The following SPATA16 variants were observed in gnomAD, a reference collection of about 807,000 sequenced individuals.
SPATA16 encodes spermatogenesis associated 16, also known as spermatogenesis-associated protein 16.
In SPATA16, 36 loss-of-function variants were observed where a neutral mutation model predicts 63.3. The ratio of observed to expected loss-of-function variants is 0.57; its 90% confidence interval spans 0.44 to 0.75. SPATA16 has a LOEUF of 0.75. Among genes scored for constraint, SPATA16 ranks in the 30% least tolerant of loss-of-function variants. The pLI is 0.00. For missense variants in SPATA16, 646 were observed against 679.3 expected, an observed-to-expected ratio of 0.95 and a Z score of 0.54; for synonymous variants, 203 against 216.7, an observed-to-expected ratio of 0.94 and a Z score of 0.56.
intron 8 of SPATA16, among the ~76,000 whole-genome samples, chr3:172,923,389 A>G (rs542799299): frequency 1.2e-4 from 18 of 152,368 alleles, no homozygotes; most frequent in Non-Finnish European, 2.4e-4. Flanking sequence ...TATTGAGCAG[A>G]TAAACTGCTG....
At chr3:173,055,968 T>C (rs1470684489) in intron 2 of SPATA16, among the ~76,000 whole-genome samples, 1 of 152,222 alleles carries the variant, frequency 6.6e-6, no homozygotes, top group Non-Finnish European at 1.5e-5. Flanking sequence ...TCCTTTATTT[T>C]ATTCAGGACA....
chr3:173,002,755 C>A (rs1484562098), intron 4 of SPATA16, among the ~76,000 whole-genome samples: 2 of 151,972 alleles, frequency 1.3e-5, no homozygotes, highest in East Asian at 3.9e-4. Flanking sequence ...GACAAAAGAT[C>A]AACATATTCA....
chr3:173,094,546 A>C (rs1324748795), intron 2 of SPATA16, among the ~76,000 whole-genome samples: 1 of 152,242 alleles, frequency 6.6e-6, no homozygotes, highest in Non-Finnish European at 1.5e-5. Context: ...AGGTCTAGTC[A>C]AAAGATATTT....
At chr3:173,061,531 C>G (rs1352469250) in intron 2 of SPATA16, among the ~76,000 whole-genome samples, 2 of 152,192 alleles carry the variant, frequency 1.3e-5, no homozygotes, top group African/African-American at 4.8e-5. Context: ...AGCCACCATC[C>G]TAACCTGCAG....
At chr3:173,050,863 A>G (rs988107934) in intron 2 of SPATA16, among the ~76,000 whole-genome samples, 6 of 152,246 alleles carry the variant, frequency 3.9e-5, no homozygotes, top group Non-Finnish European at 5.9e-5. Flanking sequence ...GTCACCTGAT[A>G]AAATTGGTAA....
intron 2 of SPATA16, among the ~76,000 whole-genome samples, chr3:173,101,189 C>T (rs1292814913): frequency 6.6e-6 from 1 of 152,110 alleles, no homozygotes; most frequent in Non-Finnish European, 1.5e-5. Context: ...CTCACCTGGC[C>T]TAGATCATTG....
chr3:173,064,122 A>G (rs1736455098), intron 2 of SPATA16, among the ~76,000 whole-genome samples: 1 of 152,142 alleles, frequency 6.6e-6, no homozygotes, highest in Admixed American at 6.5e-5. Context: ...CTTGGCCAAC[A>G]TGGTGAAACA....
At chr3:173,120,731 T>C (rs997491903) in intron 1 of SPATA16, among the ~76,000 whole-genome samples, 5 of 152,168 alleles carry the variant, frequency 3.3e-5, no homozygotes, top group Admixed American at 2.6e-4. Context: ...CTCCATCCCA[T>C]GCTCCTTTCC....
intron 5 of SPATA16, among the ~76,000 whole-genome samples, chr3:172,973,280 T>A (rs1271018720): frequency 2.0e-5 from 3 of 152,158 alleles, no homozygotes; most frequent in Non-Finnish European, 2.9e-5. Flanking sequence ...TGTGTGTGTT[T>A]ATGACTATTG....
chr3:173,093,806 A>G (rs1239081407), intron 2 of SPATA16, among the ~76,000 whole-genome samples: 2 of 152,184 alleles, frequency 1.3e-5, no homozygotes, highest in Non-Finnish European at 2.9e-5. Flanking sequence ...ATTCTTTTAC[A>G]GCTCAGTAGT....
chr3:172,913,809 A>G, intron 9 of SPATA16, 65 bp from the exon 10 acceptor site: 5 of 1,382,144 alleles, frequency 3.6e-6, no homozygotes, highest in Non-Finnish European at 5.1e-6. Context: ...CTAAATACAC[A>G]GATTAAAACC....
chr3:173,137,689 A>T (rs16846656), intron 1 of SPATA16, among the ~76,000 whole-genome samples: 1 of 151,958 alleles, frequency 6.6e-6, no homozygotes, highest in Non-Finnish European at 1.5e-5. Flanking sequence ...AGGGTGAGGA[A>T]GTTAACTGAG....
chr3:173,015,197 G>T (rs1735154146), intron 4 of SPATA16, among the ~76,000 whole-genome samples: 1 of 151,878 alleles, frequency 6.6e-6, no homozygotes, highest in Admixed American at 6.6e-5. Flanking sequence ...CCAAGTAGCT[G>T]GGATTACAGG....
chr3:172,959,916 G>T (rs1259859838), intron 5 of SPATA16, among the ~76,000 whole-genome samples: 2 of 149,340 alleles, frequency 1.3e-5, no homozygotes, highest in African/African-American at 2.5e-5. Flanking sequence ...GATTTTTTTT[G>T]ACTGTTTTGG....
At chr3:173,102,831 C>T (rs941627976) in intron 2 of SPATA16, among the ~76,000 whole-genome samples, 2 of 152,142 alleles carry the variant, frequency 1.3e-5, no homozygotes, top group Non-Finnish European at 2.9e-5. Context: ...TCAGAAGTCC[C>T]AAGTCCCAAG....
intron 1 of SPATA16, among the ~76,000 whole-genome samples, chr3:173,139,960 G>A (rs574745176): frequency 8.2e-4 from 124 of 151,768 alleles, no homozygotes; most frequent in African/African-American, 2.9e-3. Flanking sequence ...ACTCCAGCCT[G>A]GGTGACAGAG....
chr3:172,895,282 C>G (rs1229325915), intron 10 of SPATA16, among the ~76,000 whole-genome samples: 1 of 152,138 alleles, frequency 6.6e-6, no homozygotes, highest in Non-Finnish European at 1.5e-5. Flanking sequence ...CCTCCTGGTC[C>G]CTAACCTCTT....
At chr3:172,987,331 C>T (rs199667305) in intron 4 of SPATA16, among the ~76,000 whole-genome samples, 2 of 152,282 alleles carry the variant, frequency 1.3e-5, no homozygotes, top group East Asian at 3.9e-4. Flanking sequence ...AAGCTTCCTT[C>T]GCACTCATTT....
intron 2 of SPATA16, among the ~76,000 whole-genome samples, chr3:173,067,811 G>A (rs1173505639): frequency 6.6e-6 from 1 of 152,192 alleles, no homozygotes; most frequent in East Asian, 1.9e-4. Flanking sequence ...ATGGTATATA[G>A]TAATCAAACT....
Sources: allele counts gnomAD v4.1 joint callset (sites outside exome capture counted in the v4.1 genomes callset), GRCh38; gene constraint gnomAD v4.1.1; transcripts MANE v1.5; gene names NCBI Gene and HGNC (gene_info 2026-07-23, HGNC 2026-07-21).